Variants in PIK3C3 observed in about 807,000 individuals in gnomAD.
The protein encoded by PIK3C3 is phosphatidylinositol 3-kinase catalytic subunit type 3, also known as PI3-kinase type 3.
Under a neutral mutation model 126.1 loss-of-function variants are expected in PIK3C3, and 95 were observed. The ratio of observed to expected loss-of-function variants is 0.75; its 90% CI spans 0.64 to 0.89. The LOEUF is 0.89. Among genes scored for constraint, PIK3C3 ranks in the 40% least tolerant of loss-of-function variants. PIK3C3 has a pLI of 0.00. For missense variants in PIK3C3, 829 were observed against 1,063.2 expected (o/e 0.78, Z 3.06); for synonymous variants, 374 against 360.0 (o/e 1.04, Z -0.44).
At chr18:42,077,796 A>T (rs1986085004) in intron 24 of PIK3C3, among the ~76,000 whole-genome samples, 1 of 152,204 alleles carries the variant, frequency 6.6e-6, no homozygotes, top group African/African-American at 2.4e-5. Flanking sequence ...TAGAATGGTG[A>T]ATCCTTTCCA....
At chr18:42,019,663 T>C (rs1983235261) in intron 12 of PIK3C3, among the ~76,000 whole-genome samples, 1 of 152,110 alleles carries the variant, frequency 6.6e-6, no homozygotes, top group South Asian at 2.1e-4. Context: ...CTTGATACTC[T>C]TGTCCTAGGT....
chr18:42,023,450 C>G (rs549884316), intron 13 of PIK3C3, among the ~76,000 whole-genome samples: 3 of 152,204 alleles, frequency 2.0e-5, no homozygotes, highest in African/African-American at 7.2e-5. Context: ...CCCCAGTTCC[C>G]AGTCTTATAA....
At chr18:42,076,128 A>G (rs1332800708) in intron 24 of PIK3C3, among the ~76,000 whole-genome samples, 2 of 72,432 alleles carry the variant, frequency 2.8e-5, no homozygotes, top group African/African-American at 1.9e-4. Context: ...ATATGCGCAT[A>G]TATATATATA....
chr18:42,004,605 A>G lies in PIK3C3; in HGVS notation c.1170+64A>G, dbSNP rs143769950. ...TTAAACTAGAGCCTAATTATAAACT[A>G]TGTGTGTATGTGTGTGTGAGAGTGA... On this transcript the variant is annotated intron_variant, in intron 10 of 24. Transcript: ENST00000262039. The G allele has an allele frequency of 5.4e-4, 650 of 1,211,936 alleles. 3 individuals carry two copies. In the African/African-American group the frequency reaches 8.0e-3, roughly 15 times the overall value. The allele number at this position is 1,211,936 out of a possible 1,614,324, so 75.1% of individuals were successfully genotyped here.
rs372725166 is a variant in PIK3C3, at chr18:42,022,610, C to T, written c.1484+1905C>T. Among the ~76,000 whole-genome samples the T allele has an allele frequency of 2.2e-3, 337 of 152,180 alleles. 1 individual carries two copies. The highest frequency in any genetic ancestry group is 7.5e-3 in the African/African-American group (311 of 41,522). Reference sequence around the variant, plus strand: ...CAATCTTAAGTAAATCAGTGATTTTCCCCCCTTTGGAACCTGTGTTTATTT... The same window carrying T: ...CAATCTTAAGTAAATCAGTGATTTTTCCCCCTTTGGAACCTGTGTTTATTT... On this transcript the variant is annotated intron_variant, in intron 13 of 24. Transcript: ENST00000262039.
intron 24 of PIK3C3, 136 bp downstream of exon 24, chr18:42,067,649 C>T: frequency 1.2e-6 from 1 of 861,420 alleles, no homozygotes; most frequent in Non-Finnish European, 1.8e-6. Flanking sequence ...ATCTCACCAG[C>T]CAGCTGAAGT....
intron 9 of PIK3C3, among the ~76,000 whole-genome samples, chr18:42,004,104 A>G (rs929424784): frequency 7.2e-5 from 11 of 152,240 alleles, no homozygotes; most frequent in African/African-American, 2.4e-4. Flanking sequence ...AGAAAAGCCA[A>G]AACAAATTAA....
At chr18:42,006,964 C>T (rs931441416) in intron 10 of PIK3C3, among the ~76,000 whole-genome samples, 96 of 149,606 alleles carry the variant, frequency 6.4e-4, no homozygotes, top group Non-Finnish European at 9.2e-4. Context: ...CCCAGGTTCA[C>T]GCCATTCTAC....
chr18:42,047,709 A>T (rs1224184218), intron 20 of PIK3C3, among the ~76,000 whole-genome samples: 1 of 152,186 alleles, frequency 6.6e-6, no homozygotes, highest in Non-Finnish European at 1.5e-5. Context: ...TGGTGTGCAT[A>T]GTAATTTTTG....
rs1218393534 is a variant in PIK3C3 at position 42,087,554 on chromosome 18, C to T, written c.*6417C>T. 1 of 152,214 alleles carries T rather than the reference C, an allele frequency of 6.6e-6. No homozygotes were observed. The highest frequency in any genetic ancestry group is 6.5e-5 in the Admixed American group (1 of 15,286). 9.4% of individuals were successfully genotyped at this position (152,214 alleles called of 1,614,324 possible). A position where few individuals can be genotyped will look rare whatever the true frequency, so the allele number is the denominator to read the frequency against. On this transcript the variant is annotated 3_prime_UTR_variant, in exon 25 of 25. Transcript: ENST00000262039. Reference sequence around the variant, plus strand: ...CAGCTTGTCTATGTCTGCAGCTCAACTTTACAGGCTGCTCTTTGTTAGCAA... The same window carrying T: ...CAGCTTGTCTATGTCTGCAGCTCAATTTTACAGGCTGCTCTTTGTTAGCAA...
intron 24 of PIK3C3, among the ~76,000 whole-genome samples, chr18:42,078,590 T>C (rs1228266274): frequency 6.6e-6 from 1 of 151,912 alleles, no homozygotes; most frequent in Non-Finnish European, 1.5e-5. Flanking sequence ...AAAGTCAGCC[T>C]GTTTTGAAGC....
At position 41,969,959 on chromosome 18, in the gene PIK3C3, A is replaced by T. The variant is rs546745444; in HGVS notation, c.402-368A>T. 2.0e-5 allele frequency among the ~76,000 whole-genome samples: 3 copies of T among 152,272 alleles called. 1 individual carries two copies. Among genetic ancestry groups the T allele is most frequent in the African/African-American group, 7.2e-5 (3 of 41,548 alleles). ...CAGTTATGTAATTATTTAAATTTTG[A>T]TTTTAGTCATTGTAAATGTGGCATT... On this transcript the variant is annotated intron_variant, in intron 3 of 24. Coordinates refer to ENST00000262039, the MANE Select transcript of PIK3C3 (RefSeq NM_002647.4).
At chr18:42,057,531 C>CA (rs1490278936) in intron 21 of PIK3C3, 2 of 189,076 alleles carry the variant, frequency 1.1e-5, no homozygotes, top group African/African-American at 4.8e-5. Flanking sequence ...AACTTTAGCA[C>CA]AAAAAATTTT....
intron 10 of PIK3C3, among the ~76,000 whole-genome samples, chr18:42,013,173 T>A (rs1982911142): frequency 6.6e-6 from 1 of 151,150 alleles, no homozygotes; most frequent in South Asian, 2.1e-4. Context: ...GGCCACTTAG[T>A]CTGTGCCGGA....
At chr18:42,060,116 G>A (rs1163748049) in intron 22 of PIK3C3, among the ~76,000 whole-genome samples, 1 of 151,966 alleles carries the variant, frequency 6.6e-6, no homozygotes, top group Non-Finnish European at 1.5e-5. Context: ...GTATGTTTTA[G>A]TTGGTTGAAA....
intron 1 of PIK3C3, among the ~76,000 whole-genome samples, chr18:41,957,120 A>G (rs564822401): frequency 7.2e-4 from 110 of 152,222 alleles, no homozygotes; most frequent in Non-Finnish European, 1.3e-3. Context: ...TTTTATTGTA[A>G]TACTGTATTG....
intron 22 of PIK3C3, among the ~76,000 whole-genome samples, chr18:42,059,338 C>T (rs147888318): frequency 3.9e-5 from 6 of 152,208 alleles, no homozygotes; most frequent in Admixed American, 3.9e-4. Context: ...AAAATCAGTG[C>T]TCTTTAGATT....
chr18:42,054,562 A>G (rs1984975570), intron 21 of PIK3C3, among the ~76,000 whole-genome samples: 1 of 152,098 alleles, frequency 6.6e-6, no homozygotes, highest in South Asian at 2.1e-4. Flanking sequence ...GTTGACAGTC[A>G]GTATTAACAT....
At chr18:41,993,479 G>A (rs745924059) in intron 7 of PIK3C3, 138 bp downstream of exon 7, 3 of 603,530 alleles carry the variant, frequency 5.0e-6, no homozygotes, top group Non-Finnish European at 8.9e-6. Flanking sequence ...ATTCACTTTA[G>A]CATCTAGGCA....
Sources: gnomAD v4.1 joint callset for allele counts (sites outside exome capture counted in the v4.1 genomes callset) on GRCh38, gnomAD v4.1.1 for gene constraint, MANE v1.5 for transcripts, NCBI Gene and HGNC (gene_info 2026-07-23, HGNC 2026-07-21) for gene names.